The following TPD52 variants were observed in gnomAD, a reference collection of about 807,000 sequenced individuals.
TPD52 encodes the protein prostate and colon associated protein.
TPD52 carries 17 observed loss-of-function variants against 31.3 expected under a neutral mutation model. That is an observed-to-expected ratio of 0.54 (90% confidence interval 0.37 to 0.82). The LOEUF is 0.82. Among genes scored for constraint, TPD52 ranks in the 40% least tolerant of loss-of-function variants. The pLI is 0.00. For missense variants in TPD52, 212 were observed against 240.1 expected (o/e 0.88, Z 0.77); for synonymous variants, 83 against 89.6 (o/e 0.93, Z 0.42).
chr8:80,111,657 A>G (rs1386245386), intron 1 of TPD52, among the ~76,000 whole-genome samples: 8 of 152,230 alleles, frequency 5.3e-5, no homozygotes. Flanking sequence ...TTTTTATCCA[A>G]TAGTTGTAAA....
intron 5 of TPD52, 113 bp from the exon 6 acceptor site, chr8:80,044,321 G>T: frequency 1.3e-6 from 1 of 796,038 alleles, no homozygotes; most frequent in Non-Finnish European, 2.0e-6. Context: ...TTGGCGCCAT[G>T]AAGAATTACC....
At chr8:80,141,141 T>C (rs1341776295) in intron 1 of TPD52, among the ~76,000 whole-genome samples, 1 of 152,160 alleles carries the variant, frequency 6.6e-6, no homozygotes, top group Non-Finnish European at 1.5e-5. Flanking sequence ...TGAAGGTTAA[T>C]TCCACATCAC....
At chr8:80,160,257 A>C (rs1005091004) in intron 1 of TPD52, among the ~76,000 whole-genome samples, 3 of 152,112 alleles carry the variant, frequency 2.0e-5, no homozygotes, top group African/African-American at 7.2e-5. Flanking sequence ...ACAGATTTGG[A>C]ACGAAGCTTT....
intron 1 of TPD52, among the ~76,000 whole-genome samples, chr8:80,132,333 C>G (rs1331908136): frequency 4.6e-5 from 7 of 152,112 alleles, no homozygotes; most frequent in Non-Finnish European, 1.0e-4. Context: ...AACAGCACTT[C>G]TTGGGTTTAC....
At chr8:80,136,163 AT>A (rs202190143) in intron 1 of TPD52, among the ~76,000 whole-genome samples, 3,301 of 139,128 alleles carry the variant, frequency 0.024, 159 homozygotes, top group African/African-American at 0.085. Context: ...AAAAAAAAAA[AT>A]TTCAGTCTTT....
At chr8:80,158,943 C>CAAAAAAAA (rs57625062) in intron 1 of TPD52, 46 of 76,330 alleles carry the variant, frequency 6.0e-4, no homozygotes, top group African/African-American at 2.1e-3. Context: ...GACTCCGTCT[C>CAAAAAAAA]AAAAAAAAAA....
At chr8:80,159,711 ATGT>A (rs950959355) in intron 1 of TPD52, among the ~76,000 whole-genome samples, 1 of 152,246 alleles carries the variant, frequency 6.6e-6, no homozygotes, top group Admixed American at 6.5e-5. Context: ...AAAACAATAA[ATGT>A]TGTTGCTGGT....
chr8:80,159,190 T>C (rs186800051), intron 1 of TPD52, among the ~76,000 whole-genome samples: 90 of 152,330 alleles, frequency 5.9e-4, no homozygotes, highest in Middle Eastern at 3.4e-3. Context: ...CTAATTTTCA[T>C]GCATATGTGA....
chr8:80,170,627 T>C (rs373575593), intron 1 of TPD52, among the ~76,000 whole-genome samples: 1 of 152,206 alleles, frequency 6.6e-6, no homozygotes, highest in African/African-American at 2.4e-5. Flanking sequence ...TCAGCATTTA[T>C]GTATCTTTTT....
chr8:80,100,932 CA>C (rs913627894), intron 1 of TPD52, among the ~76,000 whole-genome samples: 1 of 152,152 alleles, frequency 6.6e-6, no homozygotes, highest in African/African-American at 2.4e-5. Flanking sequence ...CAGACACACC[CA>C]AAATATTTGA....
intron 1 of TPD52, among the ~76,000 whole-genome samples, chr8:80,081,597 T>C (rs1257100148): frequency 2.0e-5 from 3 of 152,154 alleles, no homozygotes; most frequent in Non-Finnish European, 4.4e-5. Context: ...AGCTCAGATA[T>C]ACTCTCCTTG....
chr8:80,161,120 C>T (rs1434890297), intron 1 of TPD52, among the ~76,000 whole-genome samples: 2 of 152,044 alleles, frequency 1.3e-5, no homozygotes, highest in African/African-American at 4.8e-5. Context: ...TAGAACAGCA[C>T]TGAAAATGTG....
intron 1 of TPD52, chr8:80,080,607 C>G (rs1227457611): frequency 7.2e-7 from 1 of 1,380,954 alleles, no homozygotes; most frequent in Non-Finnish European, 9.3e-7. Context: ...CAGGTGCCAG[C>G]ATTTCCTTTT....
intron 7 of TPD52, among the ~76,000 whole-genome samples, chr8:80,040,185 CTTTTTT>C (rs34611433): frequency 1.7e-4 from 16 of 95,688 alleles, no homozygotes; most frequent in Non-Finnish European, 2.6e-4. Flanking sequence ...ATACGCTATC[CTTTTTT>C]TTTTTTTTTT....
intron 1 of TPD52, among the ~76,000 whole-genome samples, chr8:80,154,729 A>T (rs112495280): frequency 6.7e-6 from 1 of 149,390 alleles, no homozygotes; most frequent in Non-Finnish European, 1.5e-5. Context: ...ACACACACAC[A>T]CACACACACA....
At chr8:80,137,213 T>C (rs1445529749) in intron 1 of TPD52, among the ~76,000 whole-genome samples, 1 of 152,208 alleles carries the variant, frequency 6.6e-6, no homozygotes, top group African/African-American at 2.4e-5. Context: ...GCACGGGATG[T>C]GGAGTGGCTG....
At chr8:80,112,875 G>A (rs7012097) in intron 1 of TPD52, among the ~76,000 whole-genome samples, 67,616 of 151,974 alleles carry the variant, frequency 0.44, 15,523 homozygotes, top group East Asian at 0.79. Flanking sequence ...ATTTTTTCAG[G>A]TTTGAAATAT....
At chr8:80,135,362 C>A (rs1809317553) in intron 1 of TPD52, among the ~76,000 whole-genome samples, 1 of 152,160 alleles carries the variant, frequency 6.6e-6, no homozygotes, top group East Asian at 1.9e-4. Flanking sequence ...CTTCCCCAGC[C>A]AACCTCAACA....
chr8:80,059,149 G>A (rs1364989379), intron 2 of TPD52, among the ~76,000 whole-genome samples: 1 of 151,950 alleles, frequency 6.6e-6, no homozygotes, highest in Non-Finnish European at 1.5e-5. Context: ...TCAAAAACAA[G>A]AGGAAAACCA....
Sources: allele counts gnomAD v4.1 joint callset (sites outside exome capture counted in the v4.1 genomes callset), GRCh38; gene constraint gnomAD v4.1.1; transcripts MANE v1.5; gene names NCBI Gene and HGNC (gene_info 2026-07-23, HGNC 2026-07-21).